The following EXOC7 variants were observed in gnomAD, a reference collection of about 807,000 sequenced individuals.
EXOC7 encodes exocyst complex component Exo70.
In EXOC7, 51 loss-of-function variants were observed where a neutral mutation model predicts 87.6. The ratio of observed to expected loss-of-function variants is 0.58; its 90% CI spans 0.46 to 0.73. The LOEUF (loss-of-function observed/expected upper bound fraction) is 0.73. Among genes scored for constraint, EXOC7 ranks in the 30% least tolerant of loss-of-function variants. EXOC7 has a pLI of 0.00. For missense variants in EXOC7, 744 were observed against 888.4 expected (o/e 0.84, Z 2.07); for synonymous variants, 327 against 357.1 (o/e 0.92, Z 0.95).
At position 76,100,980 on chromosome 17, in the gene EXOC7, A is replaced by AAAC. The variant is rs564691005; in HGVS notation, c.417+288_417+290dup. 250 of 344,712 alleles carry AAAC rather than the reference A, an allele frequency of 7.3e-4. 1 individual carries two copies. The highest frequency in any genetic ancestry group is 2.6e-3 in the African/African-American group (96 of 37,182). The allele number at this position is 344,712 out of a possible 1,614,324, so 21.4% of individuals were successfully genotyped here. A position where few individuals can be genotyped will look rare whatever the true frequency, so the allele number is the denominator to read the frequency against. ...CAGAGCAAGACTCTGTCTCAGGAAAAAACAACAACAACAACAACAACAACA... is the reference window on the plus strand; with the variant it reads ...CAGAGCAAGACTCTGTCTCAGGAAAAAACAACAACAACAACAACAACAACAACA... On this transcript the variant is annotated intron_variant, in intron 4 of 18. Transcript: ENST00000589210.
At chr17:76,092,288 C>CTTGTTTT (rs2067525547) in intron 6 of EXOC7, 1 of 134,516 alleles carries the variant, frequency 7.4e-6, no homozygotes, top group Non-Finnish European at 1.5e-5. Context: ...CCACAATTAG[C>CTTGTTTT]TTGTTTTTTT....
intron 10 of EXOC7, 115 bp downstream of exon 10, chr17:76,088,349 G>A: frequency 1.8e-6 from 2 of 1,121,266 alleles, no homozygotes; most frequent in Admixed American, 2.1e-5. Flanking sequence ...CAGTGGCGCA[G>A]CTGGCTGCCC....
At chr17:76,099,081 G>A (rs750769203) in intron 4 of EXOC7, among the ~76,000 whole-genome samples, 14 of 152,098 alleles carry the variant, frequency 9.2e-5, no homozygotes, top group Non-Finnish European at 1.9e-4. Context: ...TAAAAGACAG[G>A]TATCCCAAAC....
intron 14 of EXOC7, 22 bp from the exon 15 acceptor site, chr17:76,085,431 A>C: frequency 6.3e-7 from 1 of 1,597,098 alleles, no homozygotes; most frequent in Non-Finnish European, 8.5e-7. Context: ...TAGGGGACAG[A>C]GGAGAGGAGG....
intron 7 of EXOC7, chr17:76,090,199 G>T: frequency 9.8e-7 from 1 of 1,021,894 alleles, no homozygotes; most frequent in Non-Finnish European, 1.4e-6. Flanking sequence ...AGAGTGGAGA[G>T]AGAGGCGCAT....
chr17:76,094,371 C>T lies in EXOC7; in HGVS notation c.808+43G>A, dbSNP rs370801888. ...TGGACTAAAGCAGTACAGTCCCAGT[C>T]AGCCTCTGGCTGTTGCAGAGATGGG... is the stretch of plus-strand genomic sequence containing the variant. On this transcript the variant is annotated intron_variant, in intron 6 of 18. Transcript: ENST00000589210. 1.4e-4 allele frequency: 222 copies of T among 1,587,874 alleles called. No homozygotes were observed. In the African/African-American group the frequency reaches 2.5e-3, roughly 18 times the overall value.
intron 6 of EXOC7, chr17:76,092,608 T>C (rs569099131): frequency 6.6e-6 from 1 of 152,258 alleles, no homozygotes. Flanking sequence ...CATAATTAGC[T>C]CCTAATAACC....
intron 11 of EXOC7, 125 bp downstream of exon 11, chr17:76,087,935 G>A (rs1384777126): frequency 7.0e-6 from 8 of 1,137,190 alleles, no homozygotes; most frequent in African/African-American, 4.6e-5. Context: ...ACCCAGGACT[G>A]CTCACAAAGG....
At chr17:76,087,452 G>A in intron 12 of EXOC7, 1 of 592,046 alleles carries the variant, frequency 1.7e-6, no homozygotes, top group Non-Finnish European at 3.0e-6. Flanking sequence ...GCTGAGGGAG[G>A]GGCCAGAGGT....
rs1054458132 is a variant in EXOC7 at position 76,081,022 on chromosome 17, G to A, written c.*2626C>T. On this transcript the variant is annotated 3_prime_UTR_variant, in exon 19 of 19. Transcript: ENST00000589210. Reference sequence around the variant, plus strand: ...ACCACTTCTCCCTCCATCATGAAGTGGTGCAAAGTACATTTATTTTTACAA... The same window carrying A: ...ACCACTTCTCCCTCCATCATGAAGTAGTGCAAAGTACATTTATTTTTACAA... The A allele has an allele frequency of 8.9e-6, 4 of 451,028 alleles. No individual in the cohort carries two copies. Among genetic ancestry groups the A allele is most frequent in the Admixed American group, 7.0e-5 (2 of 28,724 alleles). 27.9% of individuals were successfully genotyped at this position (451,028 alleles called of 1,614,324 possible).
At position 76,089,560 on chromosome 17, in the gene EXOC7, G is replaced by A. The variant is rs183104384; in HGVS notation, c.902-240C>T. 5.3e-6 allele frequency: 3 copies of A among 569,690 alleles called. No individual in the cohort carries two copies. The East Asian group carries it at 8.8e-5, about 17-fold the overall frequency. 35.3% of individuals were successfully genotyped at this position (569,690 alleles called of 1,614,324 possible). A position where few individuals can be genotyped will look rare whatever the true frequency, so the allele number is the denominator to read the frequency against. On this transcript the variant is annotated intron_variant, in intron 7 of 18. Transcript: ENST00000589210. ...CATTCTCGGCTCTGCGCAGACAGTGGGATCAGACACCAGAGGCAGGAGAGT... is the reference window on the plus strand; with the variant it reads ...CATTCTCGGCTCTGCGCAGACAGTGAGATCAGACACCAGAGGCAGGAGAGT...
In EXOC7 at chr17:76,089,164, CG is replaced by C. The variant is rs774380975; in HGVS notation, c.1047+10del. ...GGGGCTGGCTGCAGAGCCCCCGGGG[CG>C]GGGCGGGACCTGTATCAGGGAGTCG... On this transcript the variant is annotated intron_variant, in intron 8 of 18. Coordinates refer to ENST00000589210, the MANE Select transcript of EXOC7 (RefSeq NM_001013839.4). The C allele has an allele frequency of 1.2e-6, 2 of 1,612,046 alleles. No individual in the cohort carries two copies. The highest frequency in any genetic ancestry group is 2.2e-5 in the South Asian group (2 of 91,020).
At chr17:76,083,828 T>C (rs2067084146) in intron 18 of EXOC7, 78 bp from the exon 19 acceptor site, 5 of 1,544,754 alleles carry the variant, frequency 3.2e-6, no homozygotes, top group Middle Eastern at 4.6e-4. Flanking sequence ...GCACTCCTGA[T>C]AGTCTTGGAA....
chr17:76,103,116 G>A (rs1199356509), intron 2 of EXOC7: 4 of 545,940 alleles, frequency 7.3e-6, no homozygotes, highest in Admixed American at 3.3e-5. Context: ...AGGAAGAATG[G>A]CGAGCTTAGA....
At chr17:76,096,252 G>T (rs1326677923) in intron 5 of EXOC7, among the ~76,000 whole-genome samples, 1 of 152,176 alleles carries the variant, frequency 6.6e-6, no homozygotes, top group Non-Finnish European at 1.5e-5. Context: ...GGTGGCTCAT[G>T]CCTGCAATCC....
chr17:76,099,479 C>T (rs1029046141), intron 4 of EXOC7, among the ~76,000 whole-genome samples: 51 of 152,156 alleles, frequency 3.4e-4, no homozygotes, highest in African/African-American at 4.6e-4. Context: ...TGTACTCCAG[C>T]CCGGGCAACA....
intron 4 of EXOC7, among the ~76,000 whole-genome samples, chr17:76,098,381 C>T (rs2067885239): frequency 6.6e-6 from 1 of 151,794 alleles, no homozygotes; most frequent in South Asian, 2.1e-4. Context: ...GGTGATCCAC[C>T]CGCCTCAGCC....
Position 76,087,665 on chromosome 17 carries a change from A to G in EXOC7, c.1418T>C (p.Leu473Pro), listed in dbSNP as rs749424312. 1 of 1,551,292 alleles carries G rather than the reference A, an allele frequency of 6.4e-7. No individual in the cohort carries two copies. Among genetic ancestry groups the G allele is most frequent in the Non-Finnish European group, 8.7e-7 (1 of 1,146,990 alleles). Residue 473 changes from leucine to proline, a missense_variant, in exon 12 of 19, where the codon CTG becomes CCG. Transcript: ENST00000589210. ...LDFQETAGAM[L>P]ASQETSSSAT... ...GGAGGTACCAGTACCTTGGGAGGCC[A>G]GCATGGCGCCTGCCGTCTCCTGGAA...
intron 7 of EXOC7, chr17:76,089,905 G>C (rs2067397183): frequency 5.4e-6 from 1 of 184,484 alleles, no homozygotes; most frequent in African/African-American, 2.4e-5. Context: ...AGCTGCCCCA[G>C]GAGGAGGCCA....
Sources: allele counts gnomAD v4.1 joint callset (sites outside exome capture counted in the v4.1 genomes callset), GRCh38; gene constraint gnomAD v4.1.1; transcripts MANE v1.5; gene names NCBI Gene and HGNC (gene_info 2026-07-23, HGNC 2026-07-21).